CYB5B: variants seen among roughly 807,000 people sequenced by gnomAD.
CYB5B encodes the protein cytochrome b5 type B (outer mitochondrial membrane).
In CYB5B, 14 loss-of-function variants were observed where a neutral mutation model predicts 21.3. That is an observed-to-expected ratio of 0.66 (90% confidence interval 0.43 to 1.03). The LOEUF is 1.03. Ranked by LOEUF, CYB5B falls within the 50% of genes least tolerant of loss-of-function variation. CYB5B has a pLI of 0.00. For missense variants in CYB5B, 166 were observed against 185.1 expected (o/e 0.90, Z 0.60); for synonymous variants, 69 against 68.4 (o/e 1.01, Z -0.04).
intron 3 of CYB5B, among the ~76,000 whole-genome samples, chr16:69,456,901 C>G (rs2014988817): frequency 6.6e-6 from 1 of 152,172 alleles, no homozygotes; most frequent in East Asian, 1.9e-4. Context: ...CTGCTAAGAG[C>G]TGTGCCTTCA....
At chr16:69,445,264 G>T (rs1489127171) in intron 1 of CYB5B, among the ~76,000 whole-genome samples, 1 of 152,144 alleles carries the variant, frequency 6.6e-6, no homozygotes, top group East Asian at 1.9e-4. Flanking sequence ...CAAGTGAATC[G>T]TGGCTGTCTT....
chr16:69,429,090 T>C (rs1284736026), intron 1 of CYB5B, among the ~76,000 whole-genome samples: 2 of 152,190 alleles, frequency 1.3e-5, no homozygotes, highest in African/African-American at 4.8e-5. Flanking sequence ...GACTACATTG[T>C]TGTGAAAGAC....
chr16:69,458,569 C>T (rs994354605), intron 3 of CYB5B, among the ~76,000 whole-genome samples: 3 of 152,024 alleles, frequency 2.0e-5, no homozygotes, highest in Middle Eastern at 3.2e-3. Context: ...GAAATCAATT[C>T]TAAGGTCTCC....
Position 69,424,830 on chromosome 16 carries a change from C to T in CYB5B, c.147C>T (p.Val49=). The change falls in exon 1 of 5, where the codon GTC becomes GTT. Residue 49 remains valine, a synonymous_variant. Coordinates refer to ENST00000307892, the MANE Select transcript of CYB5B (RefSeq NM_030579.3). The part of the protein sequence containing the change: ...KELWLVIHGR[V]YDVTRFLNEH... ...TGTGGCTTGTGATCCATGGGCGAGT[C>T]TACGATGTCACCCGCTTCCTCAACG... The T allele has an allele frequency of 3.1e-6, 5 of 1,594,862 alleles. No homozygotes were observed. Among genetic ancestry groups the T allele is most frequent in the Non-Finnish European group, 4.3e-6 (5 of 1,170,562 alleles).
At chr16:69,428,896 G>C (rs900851644) in intron 1 of CYB5B, among the ~76,000 whole-genome samples, 1 of 152,200 alleles carries the variant, frequency 6.6e-6, no homozygotes, top group African/African-American at 2.4e-5. Context: ...TGGTATGTTT[G>C]AGGAACAGTC....
At chr16:69,447,119 C>G (rs763042234) in intron 1 of CYB5B, 31 bp from the exon 2 acceptor site, 3 of 1,606,962 alleles carry the variant, frequency 1.9e-6, no homozygotes, top group Non-Finnish European at 2.6e-6. Flanking sequence ...TTCAGAGAAC[C>G]CTCGGTTCAG....
chr16:69,436,270 A>G (rs2014759213), intron 1 of CYB5B, among the ~76,000 whole-genome samples: 1 of 152,216 alleles, frequency 6.6e-6, no homozygotes, highest in Non-Finnish European at 1.5e-5. Flanking sequence ...GATGGAGAAG[A>G]AAGATATTAA....
chr16:69,437,594 T>C (rs1220220699), intron 1 of CYB5B, among the ~76,000 whole-genome samples: 1 of 152,190 alleles, frequency 6.6e-6, no homozygotes, highest in East Asian at 1.9e-4. Flanking sequence ...CTTTACTCTT[T>C]CTTTTATTGT....
chr16:69,426,291 C>T (rs995075228), intron 1 of CYB5B, among the ~76,000 whole-genome samples: 6 of 151,170 alleles, frequency 4.0e-5, no homozygotes, highest in Non-Finnish European at 7.4e-5. Context: ...CCCAGCTGCT[C>T]GTGAGGCTGA....
At chr16:69,454,861 A>G (rs2014967967) in intron 3 of CYB5B, among the ~76,000 whole-genome samples, 2 of 152,182 alleles carry the variant, frequency 1.3e-5, no homozygotes, top group Non-Finnish European at 2.9e-5. Flanking sequence ...TATAGGCTGA[A>G]GGTATAATGC....
intron 1 of CYB5B, among the ~76,000 whole-genome samples, chr16:69,446,602 G>C (rs1416770646): frequency 1.3e-5 from 2 of 152,194 alleles, no homozygotes; most frequent in East Asian, 3.8e-4. Context: ...GGGATTACAG[G>C]CATGAGCCAC....
chr16:69,426,459 C>A (rs1329418897), intron 1 of CYB5B, among the ~76,000 whole-genome samples: 4 of 150,850 alleles, frequency 2.7e-5, no homozygotes, highest in African/African-American at 9.8e-5. Context: ...GTAATCCCAG[C>A]ACTTTGGGAG....
intron 3 of CYB5B, among the ~76,000 whole-genome samples, chr16:69,458,701 T>TA (rs1466245399): frequency 1.3e-5 from 2 of 152,202 alleles, no homozygotes; most frequent in African/African-American, 2.4e-5. Context: ...TTTTGGACTT[T>TA]AAAAAATGTT....
intron 3 of CYB5B, among the ~76,000 whole-genome samples, chr16:69,452,019 G>T (rs1227098263): frequency 6.6e-6 from 1 of 150,462 alleles, no homozygotes; most frequent in Non-Finnish European, 1.5e-5. Flanking sequence ...GAGGTAACCA[G>T]CCATCATTTT....
At chr16:69,428,724 G>A (rs2014674489) in intron 1 of CYB5B, among the ~76,000 whole-genome samples, 1 of 152,110 alleles carries the variant, frequency 6.6e-6, no homozygotes, top group African/African-American at 2.4e-5. Flanking sequence ...TGAGGAGGAG[G>A]GTTTGAAATT....
At chr16:69,426,497 G>A (rs889862921) in intron 1 of CYB5B, among the ~76,000 whole-genome samples, 3 of 151,172 alleles carry the variant, frequency 2.0e-5, no homozygotes, top group African/African-American at 7.3e-5. Flanking sequence ...ACGAGATCAA[G>A]AGTTCCAGAC....
intron 1 of CYB5B, among the ~76,000 whole-genome samples, chr16:69,436,042 C>T (rs2014756861): frequency 6.6e-6 from 1 of 152,224 alleles, no homozygotes; most frequent in Non-Finnish European, 1.5e-5. Flanking sequence ...TAACCTCTAT[C>T]ACTGCCCAGG....
chr16:69,455,949 A>T (rs1480733536), intron 3 of CYB5B, among the ~76,000 whole-genome samples: 1 of 152,196 alleles, frequency 6.6e-6, no homozygotes, highest in Non-Finnish European at 1.5e-5. Flanking sequence ...GAGATAATTG[A>T]ATATGACTTT....
rs559931501 is a variant in CYB5B, at chr16:69,454,098, A to G, written c.334-4995A>G. Among the ~76,000 whole-genome samples the G allele has an allele frequency of 2.0e-5, 3 of 152,316 alleles. No homozygotes were observed. In the East Asian group the frequency reaches 5.8e-4, roughly 29 times the overall value. On this transcript the variant is annotated intron_variant, in intron 3 of 4. Transcript: ENST00000307892. ...CAAATCAGCCCTCCAATGTTATAACAAATTTTTCACTTCTTAAGTCCTGAT... is the reference window on the plus strand; with the variant it reads ...CAAATCAGCCCTCCAATGTTATAACGAATTTTTCACTTCTTAAGTCCTGAT...
Sources: gnomAD v4.1 joint callset for allele counts (sites outside exome capture counted in the v4.1 genomes callset) on GRCh38, gnomAD v4.1.1 for gene constraint, MANE v1.5 for transcripts, NCBI Gene and HGNC (gene_info 2026-07-23, HGNC 2026-07-21) for gene names.